The following TNNI3K variants were observed in gnomAD, a reference collection of about 807,000 sequenced individuals.
The protein encoded by TNNI3K is serine/threonine-protein kinase TNNI3K.
TNNI3K carries 140 observed loss-of-function variants against 114.5 expected under a neutral mutation model. The ratio of observed to expected loss-of-function variants is 1.22; its 90% CI spans 1.07 to 1.41. The LOEUF (loss-of-function observed/expected upper bound fraction) is 1.41, where lower values mean the gene tolerates loss of function less well. Ranked by LOEUF, TNNI3K falls within the 40% of genes most tolerant of loss-of-function variation. The probability of loss-of-function intolerance (pLI) is 0.00; values close to 1 mark genes in which losing one functional copy is unlikely to be tolerated. For synonymous variants in TNNI3K, 347 were observed against 347.5 expected (o/e 1.00, Z 0.02); for missense variants, 1,125 against 1,007.6 (o/e 1.12, Z -1.58).
intron 11 of TNNI3K, among the ~76,000 whole-genome samples, chr1:74,355,065 ATATATTG>A (rs1661579754): frequency 6.6e-6 from 1 of 152,208 alleles, no homozygotes; most frequent in East Asian, 1.9e-4. Flanking sequence ...ATGAAAGAAT[ATATATTG>A]TCTTTGAAAT....
intron 21 of TNNI3K, chr1:74,468,418 G>A (rs1352208589): frequency 1.3e-5 from 2 of 152,144 alleles, no homozygotes; most frequent in African/African-American, 2.4e-5. Flanking sequence ...TAAAAATAAA[G>A]TGGGGTCAGG....
intron 20 of TNNI3K, among the ~76,000 whole-genome samples, chr1:74,457,028 C>G (rs551180657): frequency 6.6e-6 from 1 of 152,212 alleles, no homozygotes; most frequent in South Asian, 2.1e-4. Flanking sequence ...TATTTGGACC[C>G]TAAAGCATTC....
intron 2 of TNNI3K, among the ~76,000 whole-genome samples, chr1:74,243,098 TCTAA>T (rs1431005535): frequency 4.6e-5 from 7 of 152,212 alleles, no homozygotes; most frequent in Non-Finnish European, 8.8e-5. Context: ...CTTTACAAGC[TCTAA>T]CTTATTTACA....
At chr1:74,448,427 C>A (rs1036035339) in intron 20 of TNNI3K, among the ~76,000 whole-genome samples, 1 of 147,406 alleles carries the variant, frequency 6.8e-6, no homozygotes, top group Non-Finnish European at 1.5e-5. Context: ...AATTGACTTC[C>A]TCTTTTCCTA....
chr1:74,473,012 C>G (rs768797297), intron 21 of TNNI3K, among the ~76,000 whole-genome samples: 2 of 152,020 alleles, frequency 1.3e-5, no homozygotes, highest in Non-Finnish European at 2.9e-5. Context: ...TATCTACAGC[C>G]CTATAGGCAC....
In TNNI3K at chr1:74,236,109, G is replaced by A; in HGVS notation, c.48G>A (p.Trp16Ter). 2 of 1,604,172 alleles carry A rather than the reference G, an allele frequency of 1.2e-6. No homozygotes were observed. The highest frequency in any genetic ancestry group is 1.7e-6 in the Non-Finnish European group (2 of 1,174,362). Reference protein sequence around the residue: ...SRPTQTCTDEWKKKVSESYVI... With the variant: ...SRPTQTCTDE ...TTTGTTCTTCTTTACTAGATGAATG[G>A]AAGAAAAAAGTCAGTGAATCATATG... The change falls in exon 2 of 25, where the codon TGG becomes TGA. Residue 16 changes from tryptophan to a stop codon, truncating the protein, a stop_gained. Coordinates refer to ENST00000326637, the MANE Select transcript of TNNI3K (RefSeq NM_015978.3). LOFTEE classifies it high-confidence loss of function.
At chr1:74,423,911 T>G (rs1665511499) in intron 17 of TNNI3K, among the ~76,000 whole-genome samples, 1 of 152,176 alleles carries the variant, frequency 6.6e-6, no homozygotes, top group Non-Finnish European at 1.5e-5. Flanking sequence ...ATCATTATAA[T>G]TACTTAATAC....
chr1:74,401,179 T>G (rs940818080), intron 17 of TNNI3K, among the ~76,000 whole-genome samples: 1 of 152,206 alleles, frequency 6.6e-6, no homozygotes, highest in African/African-American at 2.4e-5. Context: ...CATAGATATC[T>G]TCCTATAAAT....
At chr1:74,410,881 A>G (rs972780800) in intron 17 of TNNI3K, among the ~76,000 whole-genome samples, 7 of 152,238 alleles carry the variant, frequency 4.6e-5, no homozygotes, top group African/African-American at 1.7e-4. Context: ...AGTTTCAAAC[A>G]GACTGATTTC....
In TNNI3K at chr1:74,338,562, C is replaced by G. The variant is rs936626678; in HGVS notation, c.682+2413C>G. On this transcript the variant is annotated intron_variant, in intron 7 of 24. Coordinates refer to ENST00000326637, the MANE Select transcript of TNNI3K (RefSeq NM_015978.3). ...CTGTAAGAACTGCTGGCCTTTGCAG[C>G]GGGAACAATACACATTTCCAAAAGG... 2.0e-5 allele frequency among the ~76,000 whole-genome samples: 3 copies of G among 151,638 alleles called. No individual in the cohort carries two copies. In the Admixed American group the frequency reaches 2.0e-4, roughly 10 times the overall value.
chr1:74,331,705 T>A (rs1432291675), intron 6 of TNNI3K, among the ~76,000 whole-genome samples, 157 bp downstream of exon 6: 1 of 152,224 alleles, frequency 6.6e-6, no homozygotes, highest in African/African-American at 2.4e-5. Context: ...TAGATCCATA[T>A]AAGCATTACG....
Position 74,475,419 on chromosome 1 carries a change from C to T in TNNI3K, c.2121+11869C>T, listed in dbSNP as rs1419547323. ...GTAAGCCTGCTTCATTAAAAGCTCTCATATTTCCAGGAGGCTCTGAACATT... is the reference window on the plus strand; with the variant it reads ...GTAAGCCTGCTTCATTAAAAGCTCTTATATTTCCAGGAGGCTCTGAACATT... On this transcript the variant is annotated intron_variant, in intron 21 of 24. Coordinates refer to ENST00000326637, the MANE Select transcript of TNNI3K (RefSeq NM_015978.3). 5.6e-6 allele frequency: 4 copies of T among 717,050 alleles called. No homozygotes were observed. In the East Asian group the frequency reaches 8.0e-5, roughly 14 times the overall value. The allele number at this position is 717,050 out of a possible 1,614,324, so 44.4% of individuals were successfully genotyped here.
intron 5 of TNNI3K, among the ~76,000 whole-genome samples, chr1:74,314,868 A>G (rs1659222292): frequency 6.6e-6 from 1 of 152,168 alleles, no homozygotes; most frequent in South Asian, 2.1e-4. Context: ...AGAGCTTAGG[A>G]AAATGATTTG....
At chr1:74,349,872 A>G (rs1193599561) in intron 9 of TNNI3K, among the ~76,000 whole-genome samples, 1 of 151,422 alleles carries the variant, frequency 6.6e-6, no homozygotes, top group African/African-American at 2.4e-5. Flanking sequence ...TTCCTTCTTT[A>G]TTAGTCTTGC....
intron 17 of TNNI3K, among the ~76,000 whole-genome samples, chr1:74,405,156 G>A (rs1024829752): frequency 2.0e-5 from 3 of 152,080 alleles, no homozygotes; most frequent in Non-Finnish European, 4.4e-5. Flanking sequence ...AAGAGATGGT[G>A]GCTAAGTTTA....
Position 74,463,504 on chromosome 1 carries a change from A to C in TNNI3K, c.2075A>C (p.Lys692Thr). ...CCTCCCATTGGCTATTCCATTCCCA[A>C]GCCCATATCATCTCTGCTGATACGA... The part of the protein sequence containing the change: ...IRPPIGYSIP[K>T]PISSLLIRGW... The change falls in exon 21 of 25, where the codon AAG becomes ACG. Residue 692 changes from lysine (K) to threonine (T), a missense_variant. Physicochemically the swap from Lys to Thr is moderately conservative, Grantham distance 78. Coordinates refer to ENST00000326637, the MANE Select transcript of TNNI3K (RefSeq NM_015978.3). The C allele has an allele frequency of 6.2e-7, 1 of 1,614,230 alleles. No individual in the cohort carries two copies. Among genetic ancestry groups the C allele is most frequent in the Non-Finnish European group, 8.5e-7 (1 of 1,180,042 alleles).
chr1:74,499,685 C>CAA (rs199921700), intron 23 of TNNI3K, among the ~76,000 whole-genome samples: 3 of 151,768 alleles, frequency 2.0e-5, no homozygotes, highest in Non-Finnish European at 1.5e-5. Context: ...TATTTCCCAC[C>CAA]AAAAAAATGA....
intron 17 of TNNI3K, among the ~76,000 whole-genome samples, chr1:74,432,160 C>T (rs1040678633): frequency 2.6e-5 from 4 of 152,050 alleles, no homozygotes; most frequent in African/African-American, 9.7e-5. Context: ...TAACCATTTT[C>T]CTTGACCTCA....
At chr1:74,500,456 T>A (rs901352518) in intron 23 of TNNI3K, among the ~76,000 whole-genome samples, 1 of 151,266 alleles carries the variant, frequency 6.6e-6, no homozygotes, top group Admixed American at 6.6e-5. Flanking sequence ...ACAAAAAAAT[T>A]AGCCGGGCGT....
Sources: gnomAD v4.1 joint callset for allele counts (sites outside exome capture counted in the v4.1 genomes callset) on GRCh38, gnomAD v4.1.1 for gene constraint, MANE v1.5 for transcripts, NCBI Gene and HGNC (gene_info 2026-07-23, HGNC 2026-07-21) for gene names.